The following PRH2 variants were observed in gnomAD, a reference collection of about 807,000 sequenced individuals.
The protein encoded by PRH2 is proline rich protein HaeIII subfamily 2, also known as salivary acidic proline-rich phosphoprotein 1/2.
PRH2 carries 19 observed loss-of-function variants against 22.6 expected under a neutral mutation model. The observed-to-expected ratio is 0.84, with a 90% CI of 0.59 to 1.23. The LOEUF is 1.23. Among genes scored for constraint, PRH2 ranks in the 50% most tolerant of loss-of-function variants. The probability of loss-of-function intolerance (pLI) is 0.00; values close to 1 mark genes in which losing one functional copy is unlikely to be tolerated. For synonymous variants in PRH2, 45 were observed against 72.0 expected (o/e 0.63, Z 1.90); for missense variants, 109 against 203.0 (o/e 0.54, Z 2.81).
Position 10,932,801 on chromosome 12 carries a change from T to A in PRH2, c.*594T>A, listed in dbSNP as rs569197858. Among the ~76,000 whole-genome samples, 1 of 152,262 alleles carries A rather than the reference T, an allele frequency of 6.6e-6. No homozygotes were observed. Among genetic ancestry groups the A allele is most frequent in the African/African-American group, 2.4e-5 (1 of 41,564 alleles). On this transcript the variant is annotated 3_prime_UTR_variant, in exon 4 of 4. Coordinates refer to ENST00000396400, the MANE Select transcript of PRH2 (RefSeq NM_001110213.1). ...AATGGATTTCATCAAGGCGGCAGCA[T>A]AATTTGAAGGGCAATTGCGTGTGAA...
Position 10,934,063 on chromosome 12 carries a change from T to C in PRH2, c.*1856T>C, listed in dbSNP as rs1950250681. Among the ~76,000 whole-genome samples the C allele has an allele frequency of 1.3e-5, 2 of 152,208 alleles. No individual in the cohort carries two copies. The highest frequency in any genetic ancestry group is 2.1e-4 in the South Asian group (1 of 4,838). On this transcript the variant is annotated 3_prime_UTR_variant, in exon 4 of 4. Transcript: ENST00000396400. Reference sequence around the variant, plus strand: ...CTAAAGAATCTTTGTGATTACACAATGACCAGCTAGTAAATATAATAAGAA... The same window carrying C: ...CTAAAGAATCTTTGTGATTACACAACGACCAGCTAGTAAATATAATAAGAA...
chr12:10,929,353 G>T lies in PRH2; in HGVS notation c.64+16G>T. 1 of 1,614,102 alleles carries T rather than the reference G, an allele frequency of 6.2e-7. No individual in the cohort carries two copies. Among genetic ancestry groups the T allele is most frequent in the South Asian group, 1.1e-5 (1 of 91,076 alleles). On this transcript the variant is annotated intron_variant, in intron 1 of 3. Coordinates refer to ENST00000396400, the MANE Select transcript of PRH2 (RefSeq NM_001110213.1). The stretch of plus-strand genomic sequence containing the variant: ...TTAGATGAAGGTAAGCCGAATTGGG[G>T]GAAGATATTGTGACTCTGATTGGGG...
In PRH2 at chr12:10,930,258, T is replaced by A. The variant is rs375517137; in HGVS notation, c.65-11T>A. 1.9e-6 allele frequency: 3 copies of A among 1,612,602 alleles called. No homozygotes were observed. In the African/African-American group the frequency reaches 4.0e-5, roughly 22 times the overall value. ...AGTAACTTTTCCCATCATCCTGTAC[T>A]TCTTTTCTAGATGTCAGCCAAGAAG... On this transcript the variant is annotated splice_polypyrimidine_tract_variant and intron_variant, in intron 1 of 3. Transcript: ENST00000396400.
chr12:10,929,799 A>T (rs1485386508), intron 1 of PRH2, among the ~76,000 whole-genome samples: 1 of 152,182 alleles, frequency 6.6e-6, no homozygotes, highest in Non-Finnish European at 1.5e-5. Flanking sequence ...AGAGTTAGAG[A>T]ATCACCAGAG....
rs1255436054 is a variant in PRH2 at position 10,933,027 on chromosome 12, A to C, written c.*820A>C. On this transcript the variant is annotated 3_prime_UTR_variant, in exon 4 of 4. Transcript: ENST00000396400. ...AATGAATGAGAAGAAATGATTCATA[A>C]ATTTTGAACTAACAGTAATAACTTC... Among the ~76,000 whole-genome samples the C allele has an allele frequency of 6.6e-6, 1 of 152,182 alleles. No homozygotes were observed. The highest frequency in any genetic ancestry group is 1.5e-5 in the Non-Finnish European group (1 of 68,008).
At position 10,930,845 on chromosome 12, in the gene PRH2, C is replaced by A. The variant is rs545756264; in HGVS notation, c.284C>A (p.Pro95His). Residue 95 changes from proline to histidine, a missense_variant, in exon 3 of 4, where the codon CCC becomes CAC. Pro to His is a moderately conservative substitution (Grantham distance 77, BLOSUM62 -2). Transcript: ENST00000396400. ...CCTCAGGGAAAGCCACAAGGACCACCCCAACAGGGAGGCCATCCCCCTCCT... is the reference window on the plus strand; with the variant it reads ...CCTCAGGGAAAGCCACAAGGACCACACCAACAGGGAGGCCATCCCCCTCCT... ...PPPQGKPQGPPQQGGHPPPPQ... is the reference protein window; with the variant it reads ...PPPQGKPQGPHQQGGHPPPPQ... 6.2e-7 allele frequency: 1 copy of A among 1,613,632 alleles called. No individual in the cohort carries two copies. Among genetic ancestry groups the A allele is most frequent in the East Asian group, 2.2e-5 (1 of 44,878 alleles).
chr12:10,932,793 C>T lies in PRH2; in HGVS notation c.*586C>T, dbSNP rs907703463. On this transcript the variant is annotated 3_prime_UTR_variant, in exon 4 of 4. Coordinates refer to ENST00000396400, the MANE Select transcript of PRH2 (RefSeq NM_001110213.1). Reference sequence around the variant, plus strand: ...AAAACCTGAATGGATTTCATCAAGGCGGCAGCATAATTTGAAGGGCAATTG... The same window carrying T: ...AAAACCTGAATGGATTTCATCAAGGTGGCAGCATAATTTGAAGGGCAATTG... Among the ~76,000 whole-genome samples the T allele has an allele frequency of 2.1e-4, 32 of 151,998 alleles. No individual in the cohort carries two copies. The highest frequency in any genetic ancestry group is 6.0e-4 in the African/African-American group (25 of 41,454).
In PRH2 at chr12:10,933,430, T is replaced by C. The variant is rs987376312; in HGVS notation, c.*1223T>C. Among the ~76,000 whole-genome samples the C allele has an allele frequency of 5.3e-5, 8 of 151,982 alleles. No individual in the cohort carries two copies. The highest frequency in any genetic ancestry group is 1.2e-4 in the Non-Finnish European group (8 of 67,924). On this transcript the variant is annotated 3_prime_UTR_variant, in exon 4 of 4. Transcript: ENST00000396400. Reference sequence around the variant, plus strand: ...AAAGAAGAGAAATACCCCAAGTTCTTGAAAAAAAATTTTTTGATATGACTA... The same window carrying C: ...AAAGAAGAGAAATACCCCAAGTTCTCGAAAAAAAATTTTTTGATATGACTA...
At position 10,930,476 on chromosome 12, in the gene PRH2, T is replaced by C. The variant is rs79858967; in HGVS notation, c.100+172T>C. Among the ~76,000 whole-genome samples, 8 of 151,828 alleles carry C rather than the reference T, an allele frequency of 5.3e-5. No homozygotes were observed. The East Asian group carries it at 7.8e-4, about 15-fold the overall frequency. ...TCTGGGGACCATGAGTAAAGAAATT[T>C]GATTTTTCACCACCCTAATGTGGAT... On this transcript the variant is annotated intron_variant, in intron 2 of 3. Transcript: ENST00000396400.
chr12:10,931,242 G>A lies in PRH2; in HGVS notation c.*18+162G>A, dbSNP rs1950208262. 7 of 1,434,798 alleles carry A rather than the reference G, an allele frequency of 4.9e-6. No homozygotes were observed. The East Asian group carries it at 9.5e-5, about 20-fold the overall frequency. 88.9% of individuals were successfully genotyped at this position (1,434,798 alleles called of 1,614,324 possible). The stretch of plus-strand genomic sequence containing the variant: ...TTCTGGGATAAGGTAGCAAGATCTT[G>A]TTTTTAAACAATCTCTTGAAGGCAA... On this transcript the variant is annotated intron_variant, in intron 3 of 3. Transcript: ENST00000396400.
rs747874687 is a variant in PRH2 at position 10,930,277 on chromosome 12, C to A, written c.73C>A (p.Gln25Lys). 4 of 1,613,070 alleles carry A rather than the reference C, an allele frequency of 2.5e-6. No individual in the cohort carries two copies. The highest frequency in any genetic ancestry group is 1.3e-5 in the African/African-American group (1 of 74,870). The change falls in exon 2 of 4, where the codon CAA becomes AAA. Residue 25 changes from glutamine to lysine, a missense_variant. Transcript: ENST00000396400. The stretch of plus-strand genomic sequence containing the variant: ...CTGTACTTCTTTTCTAGATGTCAGC[C>A]AAGAAGACGTTCCCTTGGTAATATC... The part of the protein sequence containing the change: ...SAQDLDEDVS[Q>K]EDVPLVISDG...
At position 10,933,529 on chromosome 12, in the gene PRH2, C is replaced by T. The variant is rs569337495; in HGVS notation, c.*1322C>T. 1.3e-5 allele frequency among the ~76,000 whole-genome samples: 2 copies of T among 151,846 alleles called. No homozygotes were observed. Among genetic ancestry groups the T allele is most frequent in the East Asian group, 1.9e-4 (1 of 5,174 alleles). On this transcript the variant is annotated 3_prime_UTR_variant, in exon 4 of 4. Transcript: ENST00000396400. The stretch of plus-strand genomic sequence containing the variant: ...TTAAAGTGATATATGAGTTAAATGA[C>T]CAAGCAGACTTGATTCCAGGAATGT...
intron 3 of PRH2, chr12:10,931,289 T>C: frequency 9.5e-7 from 1 of 1,049,526 alleles, no homozygotes; most frequent in Non-Finnish European, 1.4e-6. Flanking sequence ...AGAATCACTA[T>C]CTTCAAATTA....
chr12:10,930,519 A>T, intron 2 of PRH2, 143 bp from the exon 3 acceptor site: 1 of 1,490,076 alleles, frequency 6.7e-7, no homozygotes, highest in Non-Finnish European at 9.0e-7. Context: ...AGTTCTAATT[A>T]GGAAGCCTTG....
intron 3 of PRH2, 90 bp from the exon 4 acceptor site, chr12:10,932,136 T>A (rs1040080457): frequency 2.8e-6 from 1 of 362,948 alleles, no homozygotes; most frequent in Non-Finnish European, 6.1e-6. Context: ...AAGGATGGTT[T>A]TGCATCTTCC....
At chr12:10,931,755 T>C (rs1950217312) in intron 3 of PRH2, among the ~76,000 whole-genome samples, 2 of 152,222 alleles carry the variant, frequency 1.3e-5, no homozygotes, top group African/African-American at 4.8e-5. Context: ...TCTTACTTAT[T>C]GGAAAAATTT....
At position 10,932,482 on chromosome 12, in the gene PRH2, G is replaced by T; in HGVS notation, c.*275G>T. 5.6e-6 allele frequency: 1 copy of T among 178,606 alleles called. No individual in the cohort carries two copies. The highest frequency in any genetic ancestry group is 1.2e-5 in the Non-Finnish European group (1 of 81,090). The allele number at this position is 178,606 out of a possible 1,614,324, so 11.1% of individuals were successfully genotyped here. On this transcript the variant is annotated 3_prime_UTR_variant, in exon 4 of 4. Transcript: ENST00000396400. Reference sequence around the variant, plus strand: ...ATCTGCCTGGGGAAGGAGTTCCACTGTTTCTTTCCTTCTCTGTCTTCTTAG... The same window carrying T: ...ATCTGCCTGGGGAAGGAGTTCCACTTTTTCTTTCCTTCTCTGTCTTCTTAG...
At chr12:10,930,344 T>G in intron 2 of PRH2, 40 bp downstream of exon 2, 1 of 1,596,792 alleles carries the variant, frequency 6.3e-7, no homozygotes, top group East Asian at 2.2e-5. Flanking sequence ...TGTCTCCATT[T>G]TTCCCTGAAA....
chr12:10,933,553 G>A lies in PRH2; in HGVS notation c.*1346G>A, dbSNP rs1210817594. On this transcript the variant is annotated 3_prime_UTR_variant, in exon 4 of 4. Transcript: ENST00000396400. ...ACCAAGCAGACTTGATTCCAGGAAT[G>A]TTAAGGAATGTTCATTATTTGTTTT... Among the ~76,000 whole-genome samples, 1 of 151,928 alleles carries A rather than the reference G, an allele frequency of 6.6e-6. No individual in the cohort carries two copies. The highest frequency in any genetic ancestry group is 2.4e-5 in the African/African-American group (1 of 41,398).
Sources: gnomAD v4.1 joint callset for allele counts (sites outside exome capture counted in the v4.1 genomes callset) on GRCh38, gnomAD v4.1.1 for gene constraint, MANE v1.5 for transcripts, NCBI Gene and HGNC (gene_info 2026-07-23, HGNC 2026-07-21) for gene names.